Variants in CLASP2 observed in about 807,000 individuals in gnomAD.
CLASP2 encodes the protein cytoplasmic linker associated protein 2.
Under a neutral mutation model 194.4 loss-of-function variants are expected in CLASP2, and 47 were observed. The ratio of observed to expected loss-of-function variants is 0.24; its 90% CI spans 0.19 to 0.31. The LOEUF (loss-of-function observed/expected upper bound fraction) is 0.31. Ranked by LOEUF, CLASP2 falls within the 10% of genes least tolerant of loss-of-function variation. The pLI is 1.00. For missense variants in CLASP2, 1,445 were observed against 1,823.6 expected (o/e 0.79, Z 3.78); for synonymous variants, 619 against 633.5 (o/e 0.98, Z 0.34).
chr3:33,651,715 A>G (rs560406965), intron 7 of CLASP2, among the ~76,000 whole-genome samples: 2 of 142,768 alleles, frequency 1.4e-5, no homozygotes, highest in Non-Finnish European at 3.0e-5. Flanking sequence ...GCTGGAGTGC[A>G]ATGGTGTGAT....
At chr3:33,500,194 G>A (rs2046519887) in intron 38 of CLASP2, among the ~76,000 whole-genome samples, 1 of 151,942 alleles carries the variant, frequency 6.6e-6, no homozygotes, top group Admixed American at 6.6e-5. Context: ...AACCATGCTT[G>A]GCTAATTTTT....
chr3:33,511,722 C>G (rs2049888577), intron 36 of CLASP2, among the ~76,000 whole-genome samples: 1 of 70,558 alleles, frequency 1.4e-5, no homozygotes. Flanking sequence ...ATAAAACAAA[C>G]AACCCCATCA....
chr3:33,588,150 A>G (rs1272990929), intron 21 of CLASP2, among the ~76,000 whole-genome samples: 2 of 152,168 alleles, frequency 1.3e-5, no homozygotes, highest in Non-Finnish European at 2.9e-5. Context: ...TTTAATCATT[A>G]ACCCTCTCCT....
Position 33,560,884 on chromosome 3 carries a change from G to T in CLASP2, c.2854C>A (p.Gln952Lys). The change falls in exon 28 of 39, where the codon CAA becomes AAA. Residue 952 changes from glutamine (Q) to lysine (K), a missense_variant. By Grantham distance (53) the Gln-to-Lys change is moderately conservative. This residue lies in a region of CLASP2 where 732 missense variants were observed against 987.9 expected (regional missense o/e 0.74). Coordinates refer to ENST00000682230, the MANE Select transcript of CLASP2 (RefSeq NM_001365631.1). ...TCAGCACCCATTTTTTTTAGTAGTT[G>T]TGTCAGCAGTACAAACAACCAATCT... ...LQDWLFVLLT[Q>K]LLKKMGADLL... 1 of 1,613,834 alleles carries T rather than the reference G, an allele frequency of 6.2e-7. No individual in the cohort carries two copies. Among genetic ancestry groups the T allele is most frequent in the East Asian group, 2.2e-5 (1 of 44,880 alleles).
chr3:33,509,442 C>T (rs1325689374), intron 37 of CLASP2, among the ~76,000 whole-genome samples: 2 of 152,050 alleles, frequency 1.3e-5, no homozygotes, highest in African/African-American at 2.4e-5. Context: ...CTTGAACTCC[C>T]GACCTCAGGT....
intron 12 of CLASP2, among the ~76,000 whole-genome samples, chr3:33,617,905 A>G (rs2154274977): frequency 6.7e-6 from 1 of 149,486 alleles, no homozygotes; most frequent in Middle Eastern, 3.6e-3. Context: ...GACTGCAGGA[A>G]TAAGAATGGT....
chr3:33,713,012 C>CAGAAAAAAAAAAAAAAAAAAAAAAAA (rs1559717375), intron 1 of CLASP2, among the ~76,000 whole-genome samples: 4 of 46,990 alleles, frequency 8.5e-5, no homozygotes, highest in Non-Finnish European at 1.7e-4. Flanking sequence ...AACTCCACCT[C>CAGAAAAAAAAAAAAAAAAAAAAAAAA]AAAAAAAAAA....
At chr3:33,538,650 GTAGA>G in intron 33 of CLASP2, 135 bp downstream of exon 33, 1 of 603,208 alleles carries the variant, frequency 1.7e-6, no homozygotes, top group East Asian at 3.0e-5. Flanking sequence ...CTGGTATGTG[GTAGA>G]TACTCAGTAA....
intron 29 of CLASP2, among the ~76,000 whole-genome samples, chr3:33,557,656 T>C (rs1205849905): frequency 1.3e-5 from 2 of 152,218 alleles, no homozygotes; most frequent in African/African-American, 4.8e-5. Flanking sequence ...ACAAGCTTTA[T>C]ATTCCCAGGA....
chr3:33,502,928 T>C (rs2047164475), intron 37 of CLASP2: 1 of 152,234 alleles, frequency 6.6e-6, no homozygotes. Context: ...TATGAGGCAT[T>C]CATTTAGTAT....
intron 1 of CLASP2, among the ~76,000 whole-genome samples, chr3:33,710,673 G>A (rs1025875524): frequency 2.6e-5 from 4 of 152,166 alleles, no homozygotes; most frequent in African/African-American, 7.2e-5. Flanking sequence ...GGTGGCTAAC[G>A]CCTGTAATCC....
chr3:33,546,656 T>C (rs1331830136), intron 30 of CLASP2, among the ~76,000 whole-genome samples: 1 of 152,222 alleles, frequency 6.6e-6, no homozygotes, highest in Non-Finnish European at 1.5e-5. Flanking sequence ...TTGAGACATT[T>C]TCTAGTGATT....
intron 18 of CLASP2, among the ~76,000 whole-genome samples, chr3:33,600,616 A>C (rs563000583): frequency 1.2e-4 from 18 of 152,310 alleles, no homozygotes; most frequent in Admixed American, 7.2e-4. Context: ...CACACTGTTA[A>C]CACCTTTGTA....
intron 27 of CLASP2, among the ~76,000 whole-genome samples, chr3:33,562,570 T>C (rs992470751): frequency 3.3e-5 from 5 of 152,230 alleles, no homozygotes; most frequent in Admixed American, 3.3e-4. Flanking sequence ...ATAGGAGTAT[T>C]TACATCTCAG....
intron 7 of CLASP2, among the ~76,000 whole-genome samples, chr3:33,658,189 T>C (rs2084635790): frequency 6.6e-6 from 1 of 152,210 alleles, no homozygotes; most frequent in Admixed American, 6.5e-5. Flanking sequence ...TTGCTTTCTG[T>C]GCCTGGATCT....
At chr3:33,590,113 T>C (rs2068381261) in intron 21 of CLASP2, among the ~76,000 whole-genome samples, 2 of 152,160 alleles carry the variant, frequency 1.3e-5, no homozygotes, top group Non-Finnish European at 2.9e-5. Context: ...AATTAAAAAA[T>C]AATGACAATT....
At chr3:33,513,808 A>C (rs960925820) in intron 36 of CLASP2, among the ~76,000 whole-genome samples, 4 of 151,974 alleles carry the variant, frequency 2.6e-5, no homozygotes, top group African/African-American at 9.7e-5. Context: ...GTTTATTCAG[A>C]TCCTTTGTCC....
chr3:33,703,590 T>C lies in CLASP2; in HGVS notation c.196-6657A>G, dbSNP rs1299820565. Among the ~76,000 whole-genome samples, 16 of 152,242 alleles carry C rather than the reference T, an allele frequency of 1.1e-4. 1 individual carries two copies. The highest frequency in any genetic ancestry group is 1.0e-3 in the Admixed American group (16 of 15,290). The stretch of plus-strand genomic sequence containing the variant: ...ATGATCCAATGATCATTCATGTTCC[T>C]TGGTATTTAGCCAAAGGAGTTGAAA... On this transcript the variant is annotated intron_variant, in intron 1 of 38. Coordinates refer to ENST00000682230, the MANE Select transcript of CLASP2 (RefSeq NM_001365631.1).
At chr3:33,530,699 G>A (rs1244499765) in intron 34 of CLASP2, among the ~76,000 whole-genome samples, 1 of 152,040 alleles carries the variant, frequency 6.6e-6, no homozygotes, top group Non-Finnish European at 1.5e-5. Context: ...TAATCTTATG[G>A]GACCACTGTC....
Sources: gnomAD v4.1 joint callset for allele counts (sites outside exome capture counted in the v4.1 genomes callset) on GRCh38, gnomAD v4.1.1 for gene constraint, gnomAD v4.1.1 regional missense constraint, MANE v1.5 for transcripts, NCBI Gene and HGNC (gene_info 2026-07-23, HGNC 2026-07-21) for gene names.